ENC1: variants seen among roughly 807,000 people sequenced by gnomAD.
ENC1 encodes ectodermal-neural cortex 1, also known as ectoderm-neural cortex protein 1.
A neutral mutation model predicts 40.9 loss-of-function variants in ENC1; 19 were observed. That is an observed-to-expected ratio of 0.46 (90% CI 0.32 to 0.68). The LOEUF is 0.68. Among genes scored for constraint, ENC1 ranks in the 30% least tolerant of loss-of-function variants. The pLI is 0.03. For missense variants in ENC1, 479 were observed against 737.5 expected (o/e 0.65, Z 4.06); for synonymous variants, 285 against 291.1 (o/e 0.98, Z 0.21).
chr5:74,634,817 A>T lies in ENC1; in HGVS notation c.1669T>A (p.Cys557Ser). 1 of 1,614,060 alleles carries T rather than the reference A, an allele frequency of 6.2e-7. No homozygotes were observed. The highest frequency in any genetic ancestry group is 8.5e-7 in the Non-Finnish European group (1 of 1,179,868). ...FGIQRCKTLD[C>S]YDPTLDVWNS... Reference sequence around the variant, plus strand: ...CACACGTCTAATGTTGGATCGTAGCAGTCCAAAGTCTTGCATCGCTGAATG... The same window carrying T: ...CACACGTCTAATGTTGGATCGTAGCTGTCCAAAGTCTTGCATCGCTGAATG... The change falls in exon 2 of 3, where the codon TGC (cysteine) becomes AGC (serine). Residue 557 changes from cysteine to serine, a missense_variant. Coordinates refer to ENST00000302351, the MANE Select transcript of ENC1 (RefSeq NM_003633.4).
Position 74,629,676 on chromosome 5 carries a change from T to A in ENC1, c.*349A>T, listed in dbSNP as rs528128925. The A allele has an allele frequency of 6.6e-6, 1 of 152,344 alleles. No homozygotes were observed. The highest frequency in any genetic ancestry group is 2.4e-5 in the African/African-American group (1 of 41,582). 9.4% of individuals were successfully genotyped at this position (152,344 alleles called of 1,614,324 possible). ...AATGGTGGGGCCCATGGAAATCAAA[T>A]GCTGAATATGGTACAGCAAGGGAAA... is the stretch of plus-strand genomic sequence containing the variant. On this transcript the variant is annotated 3_prime_UTR_variant, in exon 3 of 3. Coordinates refer to ENST00000302351, the MANE Select transcript of ENC1 (RefSeq NM_003633.4).
In ENC1 at chr5:74,636,586, A is replaced by C; in HGVS notation, c.-13-88T>G. 4.0e-6 allele frequency: 3 copies of C among 757,634 alleles called. No individual in the cohort carries two copies. The allele number at this position is 757,634 out of a possible 1,614,324, so 46.9% of individuals were successfully genotyped here. ...AAGCAACAATGGTTTTGCACAAAAA[A>C]CAGAACACTTTGTTGTTGACCATGC... On this transcript the variant is annotated intron_variant, in intron 1 of 2. Coordinates refer to ENST00000302351, the MANE Select transcript of ENC1 (RefSeq NM_003633.4). This position sits in a 1 kb window ranked among gnomAD's most constrained non-coding sequence, Gnocchi z 4.8.
intron 1 of ENC1, among the ~76,000 whole-genome samples, chr5:74,639,581 T>C (rs3776479): frequency 0.75 from 114,681 of 152,142 alleles, 43,314 homozygotes; most frequent in Middle Eastern, 0.86. Flanking sequence ...TCTGGGCATT[T>C]ACATTACCGG....
intron 1 of ENC1, among the ~76,000 whole-genome samples, chr5:74,638,721 G>A (rs558641305): frequency 1.3e-5 from 2 of 152,276 alleles, no homozygotes; most frequent in East Asian, 3.9e-4. Context: ...CATTCAATCT[G>A]GAGTATCTGG....
Position 74,629,452 on chromosome 5 carries a change from C to T in ENC1, c.*573G>A, listed in dbSNP as rs1228772926. 1 of 152,136 alleles carries T rather than the reference C, an allele frequency of 6.6e-6. No homozygotes were observed. Among genetic ancestry groups the T allele is most frequent in the Non-Finnish European group, 1.5e-5 (1 of 68,038 alleles). 9.4% of individuals were successfully genotyped at this position (152,136 alleles called of 1,614,324 possible). On this transcript the variant is annotated 3_prime_UTR_variant, in exon 3 of 3. Transcript: ENST00000302351. ...CTACCAAATGGCTACCAACAAAGTCCCCATTGTTCAGAAACGTTCCTGGGG... is the reference window on the plus strand; with the variant it reads ...CTACCAAATGGCTACCAACAAAGTCTCCATTGTTCAGAAACGTTCCTGGGG...
Position 74,636,099 on chromosome 5 carries a change from A to G in ENC1, c.387T>C (p.Phe129=). The part of the protein sequence containing the change: ...SLLEAGDMLE[F]QDIRDACAEF... The stretch of plus-strand genomic sequence containing the variant: ...CTGCACATGCATCCCGGATGTCTTG[A>G]AACTCCAGCATGTCACCAGCTTCCA... Residue 129 remains phenylalanine (F), a synonymous_variant, in exon 2 of 3, where the codon TTT becomes TTC. Transcript: ENST00000302351. The surrounding 1 kb of genome is among the most constrained non-coding windows in gnomAD (Gnocchi z 4.8). 1 of 1,614,158 alleles carries G rather than the reference A, an allele frequency of 6.2e-7. No homozygotes were observed. Among genetic ancestry groups the G allele is most frequent in the South Asian group, 1.1e-5 (1 of 91,072 alleles).
At chr5:74,631,181 C>CACA (rs368996589) in intron 2 of ENC1, among the ~76,000 whole-genome samples, 128 of 150,204 alleles carry the variant, frequency 8.5e-4, no homozygotes, top group African/African-American at 2.3e-3. Flanking sequence ...AAAAAGGACA[C>CACA]ACAACAACAA....
chr5:74,630,391 G>A (rs755758287), intron 2 of ENC1, among the ~76,000 whole-genome samples: 1 of 152,116 alleles, frequency 6.6e-6, no homozygotes, highest in Non-Finnish European at 1.5e-5. Flanking sequence ...CAGAGCGACT[G>A]TAAAGTGATC....
chr5:74,627,546 TAC>T lies in ENC1; in HGVS notation c.*2477_*2478del, dbSNP rs1041122313. 2.0e-5 allele frequency: 3 copies of T among 152,586 alleles called. No individual in the cohort carries two copies. The highest frequency in any genetic ancestry group is 2.4e-5 in the African/African-American group (1 of 41,424). 9.5% of individuals were successfully genotyped at this position (152,586 alleles called of 1,614,324 possible). A position where few individuals can be genotyped will look rare whatever the true frequency, so the allele number is the denominator to read the frequency against. On this transcript the variant is annotated 3_prime_UTR_variant, in exon 3 of 3. Coordinates refer to ENST00000302351, the MANE Select transcript of ENC1 (RefSeq NM_003633.4). Reference sequence around the variant, plus strand: ...AACATGAACATTTTCCTTCAACTTATACAGAGTTTTGTACGTGAACCACATGG... The same window carrying T: ...AACATGAACATTTTCCTTCAACTTATAGAGTTTTGTACGTGAACCACATGG...
In ENC1 at chr5:74,635,962, T is replaced by C; in HGVS notation, c.524A>G (p.Asn175Ser). 1 of 1,614,186 alleles carries C rather than the reference T, an allele frequency of 6.2e-7. No individual in the cohort carries two copies. The highest frequency in any genetic ancestry group is 8.5e-7 in the Non-Finnish European group (1 of 1,180,040). Reference protein sequence around the residue: ...YELSWRMCLSNFQTIRKNEDF... With the variant: ...YELSWRMCLSSFQTIRKNEDF... ...TTCATTCTTCCTGATGGTTTGGAAG[T>C]TGCTGAGACACATTCTCCAAGATAG... is the stretch of plus-strand genomic sequence containing the variant. Residue 175 changes from asparagine to serine, a missense_variant, in exon 2 of 3, where the codon AAC (asparagine) becomes AGC (serine). By Grantham distance (46) the Asn-to-Ser change is conservative (BLOSUM62 1). Coordinates refer to ENST00000302351, the MANE Select transcript of ENC1 (RefSeq NM_003633.4). This position sits in a 1 kb window ranked among gnomAD's most constrained non-coding sequence, Gnocchi z 5.5.
chr5:74,636,472 A>T lies in ENC1; in HGVS notation c.14T>A (p.Val5Glu). MSVS[V>E]HENRKSRASS... is the part of the protein sequence containing the mutation. ...GGCCCTGGACTTGCGGTTCTCATGC[A>T]CACTGACTGACATTTTGTTTCCACT... The change falls in exon 2 of 3, where the codon GTG becomes GAG. Residue 5 changes from valine to glutamate, a missense_variant. Coordinates refer to ENST00000302351, the MANE Select transcript of ENC1 (RefSeq NM_003633.4). The surrounding 1 kb of genome is among the most constrained non-coding windows in gnomAD (Gnocchi z 4.8). 3.8e-6 allele frequency: 6 copies of T among 1,596,602 alleles called. No homozygotes were observed. Among genetic ancestry groups the T allele is most frequent in the Non-Finnish European group, 5.1e-6 (6 of 1,167,830 alleles).
chr5:74,638,460 G>C (rs569254502), intron 1 of ENC1, among the ~76,000 whole-genome samples: 1 of 152,168 alleles, frequency 6.6e-6, no homozygotes, highest in Non-Finnish European at 1.5e-5. Flanking sequence ...AAGTCCTAGA[G>C]CTCCAGTGTT....
rs546830978 is a variant in ENC1 at position 74,627,891 on chromosome 5, G to C, written c.*2134C>G. 1 of 152,750 alleles carries C rather than the reference G, an allele frequency of 6.5e-6. No homozygotes were observed. The highest frequency in any genetic ancestry group is 6.5e-5 in the Admixed American group (1 of 15,292). 9.5% of individuals were successfully genotyped at this position (152,750 alleles called of 1,614,324 possible). A position where few individuals can be genotyped will look rare whatever the true frequency, so the allele number is the denominator to read the frequency against. On this transcript the variant is annotated 3_prime_UTR_variant, in exon 3 of 3. Transcript: ENST00000302351. ...CCAGAAAGTTCCCTACAGGCTGGGG[G>C]CCCAACCCTTACCACAGCTCCCTCT...
intron 2 of ENC1, among the ~76,000 whole-genome samples, chr5:74,630,324 A>T (rs1021141221): frequency 3.3e-5 from 5 of 152,186 alleles, no homozygotes; most frequent in Non-Finnish European, 7.4e-5. Context: ...TCTAGATGCT[A>T]TTAGGAGTTG....
intron 1 of ENC1, among the ~76,000 whole-genome samples, chr5:74,637,918 G>C (rs1034193483): frequency 6.6e-6 from 1 of 152,128 alleles, no homozygotes; most frequent in African/African-American, 2.4e-5. Context: ...TCTTCAGTAA[G>C]AAAACAGTAG....
rs373280010 is a variant in ENC1, at chr5:74,630,697, C to T, written c.*33-705G>A. On this transcript the variant is annotated intron_variant, in intron 2 of 2. Coordinates refer to ENST00000302351, the MANE Select transcript of ENC1 (RefSeq NM_003633.4). ...ATCTACGTACATCAAGTGTGAATAT[C>T]AATTCAAAGTGCCGTAACCACAAAG... Among the ~76,000 whole-genome samples the T allele has an allele frequency of 1.1e-3, 168 of 152,284 alleles. 6 individuals are homozygous for T. In the South Asian group the frequency reaches 0.033, roughly 30 times the overall value.
intron 1 of ENC1, chr5:74,640,092 G>C (rs1435638919): frequency 6.6e-6 from 1 of 152,272 alleles, no homozygotes; most frequent in Non-Finnish European, 1.5e-5. Context: ...GGGGAGGCCG[G>C]TCGACCTCTC....
intron 2 of ENC1, among the ~76,000 whole-genome samples, chr5:74,631,869 T>C (rs78284775): frequency 0.011 from 1,684 of 152,256 alleles, 38 homozygotes; most frequent in African/African-American, 0.038. Flanking sequence ...AGAAACCTCA[T>C]TTTCCTACCA....
chr5:74,631,513 G>T lies in ENC1; in HGVS notation c.*33-1521C>A, dbSNP rs6885943. On this transcript the variant is annotated intron_variant, in intron 2 of 2. Coordinates refer to ENST00000302351, the MANE Select transcript of ENC1 (RefSeq NM_003633.4). ...CTCTTAAATGTTTTAGCACTATCTTGTGTAGTAAACTTTAGAAATTTTAAC... is the reference window on the plus strand; with the variant it reads ...CTCTTAAATGTTTTAGCACTATCTTTTGTAGTAAACTTTAGAAATTTTAAC... 6.0e-3 allele frequency among the ~76,000 whole-genome samples: 911 copies of T among 152,306 alleles called. 14 individuals carry two copies. The highest frequency in any genetic ancestry group is 0.021 in the African/African-American group (876 of 41,542).
Sources: allele counts gnomAD v4.1 joint callset (sites outside exome capture counted in the v4.1 genomes callset), GRCh38; gene constraint gnomAD v4.1.1; non-coding constraint Gnocchi (gnomAD v3.1); transcripts MANE v1.5; gene names NCBI Gene and HGNC (gene_info 2026-07-23, HGNC 2026-07-21).